The following SPOCK1 variants were observed in gnomAD, a reference collection of about 807,000 sequenced individuals.
SPOCK1 encodes the protein SPARC (osteonectin), cwcv and kazal like domains proteoglycan 1.
In SPOCK1, 23 loss-of-function variants were observed where a neutral mutation model predicts 55.3. That is an observed-to-expected ratio of 0.42 (90% CI 0.30 to 0.59). The LOEUF (loss-of-function observed/expected upper bound fraction) is 0.59, where lower values mean the gene tolerates loss of function less well. Among genes scored for constraint, SPOCK1 ranks in the 20% least tolerant of loss-of-function variants. SPOCK1 has a pLI of 0.22. For synonymous variants in SPOCK1, 226 were observed against 221.0 expected (o/e 1.02, Z -0.20); for missense variants, 499 against 552.5 (o/e 0.90, Z 0.97).
At chr5:137,370,307 C>G (rs1291958128) in intron 2 of SPOCK1, among the ~76,000 whole-genome samples, 1 of 152,180 alleles carries the variant, frequency 6.6e-6, no homozygotes, top group African/African-American at 2.4e-5. Context: ...CACGATCAGA[C>G]AGTCACACGC....
chr5:137,285,163 G>C (rs1313906685), intron 2 of SPOCK1, among the ~76,000 whole-genome samples: 1 of 152,186 alleles, frequency 6.6e-6, no homozygotes, highest in Non-Finnish European at 1.5e-5. Context: ...AAGAAACCTG[G>C]GGCCCGTCTC....
chr5:137,485,626 T>G (rs1489898685), intron 2 of SPOCK1, among the ~76,000 whole-genome samples: 1 of 152,202 alleles, frequency 6.6e-6, no homozygotes, highest in Non-Finnish European at 1.5e-5. Context: ...GAGAGTGCTA[T>G]TATGTAATAA....
chr5:137,059,213 T>G (rs1403503966), intron 6 of SPOCK1, among the ~76,000 whole-genome samples: 1 of 152,226 alleles, frequency 6.6e-6, no homozygotes, highest in Admixed American at 6.5e-5. Flanking sequence ...ATTACATATT[T>G]AAGTCTGGAG....
At chr5:137,249,866 T>C (rs1218376080) in intron 3 of SPOCK1, among the ~76,000 whole-genome samples, 2 of 152,182 alleles carry the variant, frequency 1.3e-5, no homozygotes, top group African/African-American at 4.8e-5. Flanking sequence ...ATTTTTTTTT[T>C]AAGAAATAAA....
At chr5:137,437,795 T>C (rs1174720064) in intron 2 of SPOCK1, among the ~76,000 whole-genome samples, 2 of 152,230 alleles carry the variant, frequency 1.3e-5, no homozygotes, top group East Asian at 1.9e-4. Context: ...TTGTAAACTA[T>C]AGTAACCACT....
chr5:137,315,706 T>A lies in SPOCK1; in HGVS notation c.187-48651A>T, dbSNP rs184611823. Among the ~76,000 whole-genome samples, 301 of 152,302 alleles carry A rather than the reference T, an allele frequency of 2.0e-3. 5 individuals carry two copies. The highest frequency in any genetic ancestry group is 4.4e-4 in the Non-Finnish European group (30 of 68,024). ...TAGCTTCCTGAGACTAGGCACAGTG[T>A]CTGTCTCCTCCCACTGTGTCCAGCA... On this transcript the variant is annotated intron_variant, in intron 2 of 10. Coordinates refer to ENST00000394945, the MANE Select transcript of SPOCK1 (RefSeq NM_004598.4).
At chr5:137,355,991 C>T (rs1388145527) in intron 2 of SPOCK1, among the ~76,000 whole-genome samples, 1 of 152,198 alleles carries the variant, frequency 6.6e-6, no homozygotes, top group Non-Finnish European at 1.5e-5. Context: ...CTCAGTTCTT[C>T]CAGCCGTCAC....
intron 2 of SPOCK1, among the ~76,000 whole-genome samples, chr5:137,274,181 A>T (rs1757019920): frequency 6.6e-6 from 1 of 152,228 alleles, no homozygotes; most frequent in Non-Finnish European, 1.5e-5. Context: ...TGGCCAAGAC[A>T]TGTGTTGTCT....
intron 3 of SPOCK1, among the ~76,000 whole-genome samples, chr5:137,246,793 G>A (rs1310337353): frequency 6.6e-6 from 1 of 152,008 alleles, no homozygotes; most frequent in Non-Finnish European, 1.5e-5. Context: ...GCACATGAGG[G>A]GTAGAAGCAA....
In SPOCK1 at chr5:137,145,256, T is replaced by C. The variant is rs187893346; in HGVS notation, c.233-4562A>G. Among the ~76,000 whole-genome samples the C allele has an allele frequency of 1.6e-4, 25 of 152,364 alleles. No individual in the cohort carries two copies. In the East Asian group the frequency reaches 4.0e-3, roughly 25 times the overall value. On this transcript the variant is annotated intron_variant, in intron 3 of 10. Coordinates refer to ENST00000394945, the MANE Select transcript of SPOCK1 (RefSeq NM_004598.4). The stretch of plus-strand genomic sequence containing the variant: ...AAAAGCCAGTTAATTACTGGTTCCA[T>C]GTAACTTTTTTTGATTAATTTTATT...
At chr5:137,297,999 C>A (rs1452426824) in intron 2 of SPOCK1, among the ~76,000 whole-genome samples, 1 of 152,156 alleles carries the variant, frequency 6.6e-6, no homozygotes, top group Non-Finnish European at 1.5e-5. Flanking sequence ...AAGTCTGTCT[C>A]TGGAATCAGA....
chr5:137,368,465 G>C lies in SPOCK1; in HGVS notation c.187-101410C>G, dbSNP rs372009254. Among the ~76,000 whole-genome samples, 15 of 152,280 alleles carry C rather than the reference G, an allele frequency of 9.9e-5. No homozygotes were observed. The South Asian group carries it at 3.1e-3, about 32-fold the overall frequency. ...CTGGAGGCAGAATGGGAGCTAACTA[G>C]GCAGCAATGGGAGAGGCTGATCCAG... On this transcript the variant is annotated intron_variant, in intron 2 of 10. Transcript: ENST00000394945.
rs1011718585 is a variant in SPOCK1, at chr5:137,161,988, C to A, written c.233-21294G>T. Among the ~76,000 whole-genome samples, 4 of 152,246 alleles carry A rather than the reference C, an allele frequency of 2.6e-5. No homozygotes were observed. In the South Asian group the frequency reaches 6.2e-4, roughly 24 times the overall value. ...TCTCAGTGTGAATTCAGATCCCCAG[C>A]AAAATATTTGGGCTAGCTTTATATC... On this transcript the variant is annotated intron_variant, in intron 3 of 10. Transcript: ENST00000394945.
chr5:137,160,687 T>A (rs1754537816), intron 3 of SPOCK1, among the ~76,000 whole-genome samples: 2 of 119,964 alleles, frequency 1.7e-5, no homozygotes, highest in Admixed American at 2.4e-4. Context: ...ATATGTTATA[T>A]ATATATGGCC....
intron 2 of SPOCK1, among the ~76,000 whole-genome samples, chr5:137,419,315 T>C: frequency 6.6e-6 from 1 of 151,968 alleles, no homozygotes. Context: ...AACTTTAAAG[T>C]AGTTTTTTCC....
At chr5:137,203,435 A>G (rs556554045) in intron 3 of SPOCK1, among the ~76,000 whole-genome samples, 1 of 152,266 alleles carries the variant, frequency 6.6e-6, no homozygotes, top group East Asian at 1.9e-4. Context: ...CATGTCACTC[A>G]TCTCATGAAG....
chr5:137,385,247 T>C (rs1751574362), intron 2 of SPOCK1, among the ~76,000 whole-genome samples: 1 of 152,134 alleles, frequency 6.6e-6, no homozygotes, highest in Non-Finnish European at 1.5e-5. Context: ...TTCCTCTGTA[T>C]TACTAAGAGT....
intron 2 of SPOCK1, among the ~76,000 whole-genome samples, chr5:137,445,237 T>C (rs1028616069): frequency 3.3e-5 from 5 of 152,230 alleles, no homozygotes; most frequent in East Asian, 3.8e-4. Context: ...ACAAATTCTC[T>C]GCCCATTCTT....
At chr5:137,236,448 A>G (rs1157735974) in intron 3 of SPOCK1, among the ~76,000 whole-genome samples, 1 of 152,246 alleles carries the variant, frequency 6.6e-6, no homozygotes, top group Non-Finnish European at 1.5e-5. Context: ...TTATTGTTTA[A>G]CAGTGGGTTA....
Sources: gnomAD v4.1 joint callset for allele counts (sites outside exome capture counted in the v4.1 genomes callset) on GRCh38, gnomAD v4.1.1 for gene constraint, MANE v1.5 for transcripts, NCBI Gene and HGNC (gene_info 2026-07-23, HGNC 2026-07-21) for gene names.